The following RHCE variants were observed in gnomAD, a reference collection of about 807,000 sequenced individuals.
The protein encoded by RHCE is Rh blood group CcEe antigens, also known as blood group Rh(CE) polypeptide.
RHCE carries 22 observed loss-of-function variants against 43.8 expected under a neutral mutation model. The ratio of observed to expected loss-of-function variants is 0.50; its 90% CI spans 0.36 to 0.72. The LOEUF (loss-of-function observed/expected upper bound fraction) is 0.72, where lower values mean the gene tolerates loss of function less well. Ranked by LOEUF, RHCE falls within the 30% of genes least tolerant of loss-of-function variation. RHCE has a pLI of 0.00. For missense variants in RHCE, 385 were observed against 525.4 expected, an observed-to-expected ratio of 0.73 and a Z score of 2.61; for synonymous variants, 156 against 210.7, an observed-to-expected ratio of 0.74 and a Z score of 2.25.
intron 7 of RHCE, among the ~76,000 whole-genome samples, chr1:25,384,341 C>G (rs1022460916): frequency 2.6e-5 from 4 of 151,924 alleles, no homozygotes; most frequent in Non-Finnish European, 4.4e-5. Flanking sequence ...GAGCCTGGGT[C>G]CCTGCACTGT....
intron 1 of RHCE, among the ~76,000 whole-genome samples, chr1:25,417,149 A>AAAAAC (rs560708792): frequency 0.24 from 11,135 of 46,156 alleles, 1,311 homozygotes; most frequent in African/African-American, 0.54. Flanking sequence ...AAACAAAAAC[A>AAAAAC]AAAAAAAAAC....
chr1:25,390,738 G>A lies in RHCE; in HGVS notation c.801+11C>T, dbSNP rs769052457. ...GACCCAAGTGCTGCCCAAGGGCAGC[G>A]CCCTGCTCACCATGCTGATCTTCCT... is the stretch of plus-strand genomic sequence containing the variant. On this transcript the variant is annotated intron_variant, in intron 5 of 9. Coordinates refer to ENST00000294413, the MANE Select transcript of RHCE (RefSeq NM_020485.8). 1.9e-5 allele frequency: 31 copies of A among 1,614,080 alleles called. No homozygotes were observed. The highest frequency in any genetic ancestry group is 6.7e-5 in the African/African-American group (5 of 74,944).
At position 25,385,749 on chromosome 1, in the gene RHCE, C is replaced by A. The variant is rs929039795; in HGVS notation, c.1035G>T (p.Val345=). 1.2e-6 allele frequency: 2 copies of A among 1,613,824 alleles called. No individual in the cohort carries two copies. Among genetic ancestry groups the A allele is most frequent in the Admixed American group, 1.7e-5 (1 of 59,972 alleles). ...TCCAGACAGTATGAAGCACCAGCAG[C>A]ACAATGTAGGTGATCTCTCCAAGCA... ...LGLLGEITYI[V]LLVLHTVWNG... The change falls in exon 7 of 10, where the codon GTG becomes GTT. Residue 345 remains valine, a synonymous_variant. Transcript: ENST00000294413.
rs1263569515 is a variant in RHCE at position 25,398,129 on chromosome 1, G to A, written c.486+4467C>T. On this transcript the variant is annotated intron_variant, in intron 3 of 9. Coordinates refer to ENST00000294413, the MANE Select transcript of RHCE (RefSeq NM_020485.8). ...ACTGAGGCACAGAGAGGTCAACGAA[G>A]GGGCCCAAATGGATTCAGCTAGTGT... 2.2e-3 allele frequency among the ~76,000 whole-genome samples: 241 copies of A among 111,266 alleles called. 1 individual carries two copies. The highest frequency in any genetic ancestry group is 7.3e-3 in the African/African-American group (232 of 31,682). The allele number at this position is 111,266 out of a possible 152,430, so 73.0% of individuals were successfully genotyped here. A position where few individuals can be genotyped will look rare whatever the true frequency, so the allele number is the denominator to read the frequency against.
At chr1:25,372,093 A>G (rs1172714951) in intron 8 of RHCE, among the ~76,000 whole-genome samples, 2 of 151,748 alleles carry the variant, frequency 1.3e-5, no homozygotes, top group African/African-American at 2.4e-5. Flanking sequence ...ACTTTTTAAA[A>G]AAAAAATCAG....
chr1:25,409,757 TA>T (rs1380813793), intron 1 of RHCE, among the ~76,000 whole-genome samples: 3 of 146,508 alleles, frequency 2.0e-5, no homozygotes, highest in African/African-American at 7.3e-5. Flanking sequence ...TACGCTGTTT[TA>T]ATCACTTTAC....
chr1:25,396,359 G>A (rs1344367061), intron 3 of RHCE, among the ~76,000 whole-genome samples: 1 of 152,056 alleles, frequency 6.6e-6, no homozygotes, highest in Admixed American at 6.6e-5. Flanking sequence ...ATGAGAATAA[G>A]GTAATCATAA....
chr1:25,400,818 G>T (rs1646714757), intron 3 of RHCE, among the ~76,000 whole-genome samples: 3 of 152,144 alleles, frequency 2.0e-5, no homozygotes, highest in Admixed American at 2.0e-4. Flanking sequence ...GGCACCAGCA[G>T]CTGCTGAGTT....
At chr1:25,391,958 C>G (rs1185590254) in intron 4 of RHCE, 36 bp downstream of exon 4, 3 of 1,612,516 alleles carry the variant, frequency 1.9e-6, no homozygotes, top group Non-Finnish European at 2.5e-6. Flanking sequence ...TCTGCTCAGC[C>G]CAAGTATGAG....
At chr1:25,388,622 A>G (rs1158238675) in intron 6 of RHCE, among the ~76,000 whole-genome samples, 1 of 152,218 alleles carries the variant, frequency 6.6e-6, no homozygotes, top group Non-Finnish European at 1.5e-5. Context: ...GCAGGTCTAT[A>G]GAGTAAGAAT....
chr1:25,377,997 A>G (rs1357289015), intron 7 of RHCE, among the ~76,000 whole-genome samples: 1 of 152,172 alleles, frequency 6.6e-6, no homozygotes, highest in Admixed American at 6.5e-5. Context: ...AAGACAGAAC[A>G]CCACAATAGA....
At chr1:25,394,642 ACTGCCAC>A (rs1252308920) in intron 3 of RHCE, among the ~76,000 whole-genome samples, 8 of 152,136 alleles carry the variant, frequency 5.3e-5, no homozygotes, top group African/African-American at 1.9e-4. Context: ...TGTATTTTCC[ACTGCCAC>A]AAGAGTGCCT....
At chr1:25,389,929 G>A (rs1252809552) in intron 5 of RHCE, among the ~76,000 whole-genome samples, 1 of 152,006 alleles carries the variant, frequency 6.6e-6, no homozygotes, top group East Asian at 1.9e-4. Flanking sequence ...GCCTTGCTAG[G>A]TGTCTTAGAC....
Position 25,402,614 on chromosome 1 carries a change from G to A in RHCE, c.468C>T (p.Val156=), listed in dbSNP as rs1435339080. The A allele has an allele frequency of 1.9e-6, 3 of 1,613,956 alleles. No individual in the cohort carries two copies. The highest frequency in any genetic ancestry group is 2.2e-5 in the East Asian group (1 of 44,874). ...EVTALGTLRM[V]ISNIFNTDYH... ...GACTCACGTTGAAGATATTACTGAT[G>A]ACCATCCTCAGGGTGCCTAAAGCTG... Residue 156 remains valine (V), a synonymous_variant, in exon 3 of 10, where the codon GTC becomes GTT. Coordinates refer to ENST00000294413, the MANE Select transcript of RHCE (RefSeq NM_020485.8).
intron 3 of RHCE, among the ~76,000 whole-genome samples, chr1:25,396,940 T>TC (rs1646560770): frequency 6.7e-6 from 1 of 149,984 alleles, no homozygotes; most frequent in African/African-American, 2.5e-5. Context: ...ATGGTGAAAC[T>TC]CCATCTCTAC....
At chr1:25,397,048 G>T (rs1646564537) in intron 3 of RHCE, among the ~76,000 whole-genome samples, 1 of 137,830 alleles carries the variant, frequency 7.3e-6, no homozygotes, top group Non-Finnish European at 1.5e-5. Context: ...GGAGGCGGAG[G>T]TTGCAGTGAG....
chr1:25,410,763 C>G (rs370864298), intron 1 of RHCE, among the ~76,000 whole-genome samples: 3 of 152,058 alleles, frequency 2.0e-5, no homozygotes, highest in Non-Finnish European at 2.9e-5. Context: ...TAGCTCTGTT[C>G]GATCCCAGCT....
intron 6 of RHCE, among the ~76,000 whole-genome samples, chr1:25,387,970 G>C (rs1299998109): frequency 2.0e-5 from 3 of 151,938 alleles, no homozygotes; most frequent in Non-Finnish European, 4.4e-5. Context: ...ACAGGTGCCC[G>C]CCACCACGCC....
chr1:25,392,667 C>T (rs1161048730), intron 3 of RHCE, among the ~76,000 whole-genome samples: 1 of 148,026 alleles, frequency 6.8e-6, no homozygotes, highest in African/African-American at 2.5e-5. Context: ...AACTCCCAGG[C>T]TCAAGCAATC....
Sources: allele counts gnomAD v4.1 joint callset (sites outside exome capture counted in the v4.1 genomes callset), GRCh38; gene constraint gnomAD v4.1.1; transcripts MANE v1.5; gene names NCBI Gene and HGNC (gene_info 2026-07-23, HGNC 2026-07-21).